CDH13: variants seen among roughly 807,000 people sequenced by gnomAD.
The protein encoded by CDH13 is cadherin 13.
CDH13 carries 24 observed loss-of-function variants against 63.8 expected under a neutral mutation model. The ratio of observed to expected loss-of-function variants is 0.38; its 90% CI spans 0.27 to 0.53. The LOEUF is 0.53. Among genes scored for constraint, CDH13 ranks in the 20% least tolerant of loss-of-function variants. The pLI is 0.85. For synonymous variants in CDH13, 503 were observed against 355.3 expected, an observed-to-expected ratio of 1.42 and a Z score of -4.67; for missense variants, 1,049 against 903.1, an observed-to-expected ratio of 1.16 and a Z score of -2.07.
intron 1 of CDH13, among the ~76,000 whole-genome samples, chr16:82,816,823 G>A (rs1159295940): frequency 1.4e-5 from 2 of 143,342 alleles, no homozygotes; most frequent in Admixed American, 7.0e-5. Flanking sequence ...GGGGTGGGGG[G>A]GAATGACTCA....
At chr16:82,665,103 G>C (rs1213062232) in intron 1 of CDH13, among the ~76,000 whole-genome samples, 1 of 152,152 alleles carries the variant, frequency 6.6e-6, no homozygotes, top group Non-Finnish European at 1.5e-5. Context: ...ATTCAAACTA[G>C]GTGAGACTGC....
intron 6 of CDH13, among the ~76,000 whole-genome samples, chr16:83,363,924 G>A (rs996125708): frequency 3.3e-5 from 5 of 152,190 alleles, no homozygotes; most frequent in African/African-American, 1.2e-4. Context: ...GGGAGTGTAA[G>A]CACCTACAGT....
intron 7 of CDH13, among the ~76,000 whole-genome samples, chr16:83,584,325 T>A (rs2150726926): frequency 6.6e-6 from 1 of 152,236 alleles, no homozygotes; most frequent in Non-Finnish European, 1.5e-5. Flanking sequence ...CAAGACTGCA[T>A]CTCAAAAATT....
chr16:83,224,834 C>A (rs1204179204), intron 5 of CDH13, among the ~76,000 whole-genome samples: 1 of 152,192 alleles, frequency 6.6e-6, no homozygotes, highest in Non-Finnish European at 1.5e-5. Context: ...TCACTCAGCC[C>A]AGTCACTTAG....
intron 4 of CDH13, among the ~76,000 whole-genome samples, chr16:83,174,150 G>C (rs2038030156): frequency 1.3e-5 from 2 of 152,040 alleles, no homozygotes; most frequent in Non-Finnish European, 2.9e-5. Context: ...GGGGAGTTGA[G>C]GGCTTATCAA....
At chr16:83,746,847 A>G (rs1299187890) in intron 10 of CDH13, among the ~76,000 whole-genome samples, 2 of 152,220 alleles carry the variant, frequency 1.3e-5, no homozygotes, top group African/African-American at 4.8e-5. Context: ...AGATAAGACT[A>G]TTATTTCTTA....
chr16:82,768,126 T>C (rs2035130667), intron 1 of CDH13, among the ~76,000 whole-genome samples: 1 of 152,160 alleles, frequency 6.6e-6, no homozygotes, highest in Admixed American at 6.5e-5. Flanking sequence ...CATGAAGTCA[T>C]GAGAGACGCA....
intron 7 of CDH13, among the ~76,000 whole-genome samples, chr16:83,516,411 C>T (rs2074700187): frequency 6.6e-6 from 1 of 152,188 alleles, no homozygotes; most frequent in African/African-American, 2.4e-5. Context: ...GTCAACATTA[C>T]AGTAAGCTAA....
intron 6 of CDH13, among the ~76,000 whole-genome samples, chr16:83,436,070 C>G (rs1720407150): frequency 6.6e-6 from 1 of 152,190 alleles, no homozygotes; most frequent in African/African-American, 2.4e-5. Flanking sequence ...AGGAGTGCCG[C>G]TTCATATCCT....
At chr16:82,714,712 TAAAAAAAAAAAAA>T (rs71146088) in intron 1 of CDH13, among the ~76,000 whole-genome samples, 2 of 29,986 alleles carry the variant, frequency 6.7e-5, no homozygotes, top group African/African-American at 1.3e-4. Flanking sequence ...AGACTCCATC[TAAAAAAAAAAAAA>T]AAAAAAAAAA....
chr16:82,903,540 C>G (rs1002498513), intron 2 of CDH13, among the ~76,000 whole-genome samples: 62 of 152,332 alleles, frequency 4.1e-4, no homozygotes, highest in African/African-American at 1.5e-3. Context: ...TTATCTTTCT[C>G]TGACGCTTAG....
At chr16:83,020,250 C>T (rs143939550) in intron 2 of CDH13, among the ~76,000 whole-genome samples, 1 of 151,952 alleles carries the variant, frequency 6.6e-6, no homozygotes, top group Non-Finnish European at 1.5e-5. Context: ...TATTCTCCTT[C>T]CTGGCCTTTT....
chr16:82,686,315 C>G (rs1237474165), intron 1 of CDH13, among the ~76,000 whole-genome samples: 1 of 152,100 alleles, frequency 6.6e-6, no homozygotes, highest in African/African-American at 2.4e-5. Flanking sequence ...TCGTCTCCTC[C>G]TGGTTCTGCG....
intron 5 of CDH13, among the ~76,000 whole-genome samples, chr16:83,228,340 G>C (rs2039903035): frequency 6.6e-6 from 1 of 152,198 alleles, no homozygotes; most frequent in African/African-American, 2.4e-5. Flanking sequence ...CATGGCGTTG[G>C]CCACTCAGAG....
At chr16:82,978,671 C>G (rs1445582909) in intron 2 of CDH13, among the ~76,000 whole-genome samples, 1 of 152,266 alleles carries the variant, frequency 6.6e-6, no homozygotes, top group East Asian at 1.9e-4. Flanking sequence ...GAACCTCTGT[C>G]TAGATTTCAG....
At chr16:83,311,697 G>A (rs947322799) in intron 5 of CDH13, among the ~76,000 whole-genome samples, 2 of 152,176 alleles carry the variant, frequency 1.3e-5, no homozygotes, top group Admixed American at 6.5e-5. Flanking sequence ...CTCAAGGCTT[G>A]TACTCTCTAT....
intron 2 of CDH13, among the ~76,000 whole-genome samples, chr16:82,872,230 G>A (rs2040366480): frequency 6.6e-6 from 1 of 152,190 alleles, no homozygotes; most frequent in Non-Finnish European, 1.5e-5. Flanking sequence ...TAGGTGGCAG[G>A]GGATAAGGAC....
At chr16:82,837,850 C>T (rs760721536) in intron 1 of CDH13, among the ~76,000 whole-genome samples, 10 of 152,192 alleles carry the variant, frequency 6.6e-5, no homozygotes, top group African/African-American at 9.7e-5. Context: ...CACTTGGAGC[C>T]ACTCTTACCA....
chr16:83,700,236 A>G (rs865881873), intron 10 of CDH13, among the ~76,000 whole-genome samples: 4 of 152,176 alleles, frequency 2.6e-5, no homozygotes, highest in South Asian at 2.1e-4. Context: ...TGTGGGATTC[A>G]TCCGTGTTGT....
Sources: gnomAD v4.1 joint callset for allele counts (sites outside exome capture counted in the v4.1 genomes callset) on GRCh38, gnomAD v4.1.1 for gene constraint, MANE v1.5 for transcripts, NCBI Gene and HGNC (gene_info 2026-07-23, HGNC 2026-07-21) for gene names.